CPVL: variants seen among roughly 807,000 people sequenced by gnomAD.
CPVL encodes probable serine carboxypeptidase CPVL.
CPVL carries 51 observed loss-of-function variants against 63.7 expected under a neutral mutation model. The observed-to-expected ratio is 0.80, with a 90% CI of 0.64 to 1.01. CPVL has a LOEUF of 1.01. CPVL is among the 50% of genes least tolerant of loss of function. The probability of loss-of-function intolerance (pLI) is 0.00; values close to 1 mark genes in which losing one functional copy is unlikely to be tolerated. For missense variants in CPVL, 530 were observed against 573.1 expected, an observed-to-expected ratio of 0.92 and a Z score of 0.77; for synonymous variants, 195 against 206.0, an observed-to-expected ratio of 0.95 and a Z score of 0.46.
intron 1 of CPVL, among the ~76,000 whole-genome samples, chr7:29,131,845 A>G (rs572572342): frequency 2.0e-5 from 3 of 152,322 alleles, no homozygotes; most frequent in African/African-American, 7.2e-5. Flanking sequence ...TTAGTGTAGC[A>G]CTTCAATAGA....
At chr7:29,086,359 T>G (rs1785202018) in intron 7 of CPVL, 125 bp downstream of exon 7, 3 of 575,620 alleles carry the variant, frequency 5.2e-6, no homozygotes, top group Admixed American at 6.3e-5. Context: ...AAAGGCTGAA[T>G]CAATATTGAT....
intron 1 of CPVL, among the ~76,000 whole-genome samples, chr7:29,135,624 G>A (rs944048385): frequency 1.4e-4 from 22 of 151,988 alleles, no homozygotes; most frequent in Admixed American, 2.0e-4. Context: ...AAGCCACCAC[G>A]CCCAGCCTAT....
chr7:29,078,516 C>T (rs1216624447), intron 7 of CPVL, among the ~76,000 whole-genome samples: 1 of 152,162 alleles, frequency 6.6e-6, no homozygotes, highest in Non-Finnish European at 1.5e-5. Context: ...CACACTGGGC[C>T]GCAGTCAACA....
chr7:29,092,747 T>C (rs1452163039), intron 5 of CPVL, 45 bp from the exon 6 acceptor site: 2 of 1,337,474 alleles, frequency 1.5e-6, no homozygotes, highest in Middle Eastern at 1.8e-4. Context: ...GAGAAACACA[T>C]GCCTTAGGGA....
At chr7:29,075,107 G>A (rs1365274353) in intron 7 of CPVL, among the ~76,000 whole-genome samples, 1 of 152,020 alleles carries the variant, frequency 6.6e-6, no homozygotes, top group East Asian at 1.9e-4. Flanking sequence ...ATAAGACCTG[G>A]TAATAAAACA....
chr7:29,114,301 C>T (rs1018662946), intron 2 of CPVL, among the ~76,000 whole-genome samples: 20 of 152,138 alleles, frequency 1.3e-4, no homozygotes, highest in Non-Finnish European at 2.8e-4. Context: ...CTCATTCCCA[C>T]TTTACAGATA....
At chr7:29,040,793 C>T (rs372318050) in intron 11 of CPVL, among the ~76,000 whole-genome samples, 1 of 151,940 alleles carries the variant, frequency 6.6e-6, no homozygotes, top group East Asian at 1.9e-4. Flanking sequence ...TGTCTTTTGG[C>T]CAAAAAAAAT....
chr7:29,132,154 C>T (rs1790765285), intron 1 of CPVL, among the ~76,000 whole-genome samples: 1 of 152,080 alleles, frequency 6.6e-6, no homozygotes, highest in Non-Finnish European at 1.5e-5. Context: ...CTGAGCAGAT[C>T]TGAGGGCATG....
At chr7:29,141,379 G>A (rs34582799) in intron 1 of CPVL, among the ~76,000 whole-genome samples, 18,150 of 151,718 alleles carry the variant, frequency 0.12, 1,139 homozygotes, top group Non-Finnish European at 0.14. Context: ...GTGAAACCCC[G>A]TCTCTACTAA....
chr7:29,163,491 CAT>C (rs1422588005), intron 5 of CPVL, among the ~76,000 whole-genome samples: 19 of 152,080 alleles, frequency 1.2e-4, no homozygotes, highest in Middle Eastern at 3.2e-3. Context: ...AAAATTGACA[CAT>C]ATGTTAATGG....
At chr7:29,142,644 G>A (rs922429608) in intron 1 of CPVL, among the ~76,000 whole-genome samples, 1 of 150,668 alleles carries the variant, frequency 6.6e-6, no homozygotes, top group South Asian at 2.1e-4. Flanking sequence ...TCCCGCCTCA[G>A]CCTCCTGAGT....
intron 5 of CPVL, among the ~76,000 whole-genome samples, chr7:29,157,251 A>G (rs1794504116): frequency 6.6e-6 from 1 of 151,498 alleles, no homozygotes; most frequent in South Asian, 2.1e-4. Flanking sequence ...ATGAGATGCG[A>G]CCCCTCCCCC....
At chr7:29,184,162 TAGATA>T (rs1390449094) in intron 4 of CPVL, among the ~76,000 whole-genome samples, 1 of 118,766 alleles carries the variant, frequency 8.4e-6, no homozygotes, top group Admixed American at 7.7e-5. Flanking sequence ...GATAGATAGA[TAGATA>T]GATAGATAGA....
At position 29,177,359 on chromosome 7, in the gene CPVL, T is replaced by G. The variant is rs1342836104; in HGVS notation, c.-11+3931A>C. ...ACCTCTGCCTCCCGGGTTCAAGCAA[T>G]TCTCCTGCCGCAATCTCCTGAGTAG... is the stretch of plus-strand genomic sequence containing the variant. On this transcript the variant is annotated intron_variant, in intron 5 of 16. Coordinates refer to the CPVL transcript ENST00000409850. 2.0e-5 allele frequency among the ~76,000 whole-genome samples: 3 copies of G among 152,162 alleles called. 1 individual carries two copies. The highest frequency in any genetic ancestry group is 7.2e-5 in the African/African-American group (3 of 41,440).
chr7:29,150,265 A>G (rs1156556455), upstream of CPVL, among the ~76,000 whole-genome samples: 1 of 152,232 alleles, frequency 6.6e-6, no homozygotes, highest in Non-Finnish European at 1.5e-5. Flanking sequence ...TCATCTGTAC[A>G]TGATAAAAAT....
At chr7:29,014,622 G>T (rs1325994701) in intron 12 of CPVL, among the ~76,000 whole-genome samples, 1 of 152,112 alleles carries the variant, frequency 6.6e-6, no homozygotes, top group South Asian at 2.1e-4. Context: ...GATTACAGTT[G>T]TGAGCCACCA....
At chr7:29,021,046 T>C (rs1459408443) in intron 12 of CPVL, among the ~76,000 whole-genome samples, 4 of 152,118 alleles carry the variant, frequency 2.6e-5, no homozygotes, top group Non-Finnish European at 5.9e-5. Context: ...GGTGTGGTGG[T>C]ACATGCCTGT....
chr7:29,065,831 C>G (rs912867961), intron 10 of CPVL, among the ~76,000 whole-genome samples, 192 bp downstream of exon 10: 4 of 152,060 alleles, frequency 2.6e-5, no homozygotes, highest in Non-Finnish European at 4.4e-5. Context: ...CACACATTCT[C>G]AGTGGTCAGA....
intron 11 of CPVL, among the ~76,000 whole-genome samples, chr7:29,033,013 A>G (rs317750): frequency 0.28 from 42,264 of 152,162 alleles, 7,499 homozygotes; most frequent in African/African-American, 0.51. Context: ...AAGAAACAGC[A>G]AAGAGCTGAA....
Sources: gnomAD v4.1 joint callset for allele counts (sites outside exome capture counted in the v4.1 genomes callset) on GRCh38, gnomAD v4.1.1 for gene constraint, MANE v1.5 for transcripts, NCBI Gene and HGNC (gene_info 2026-07-23, HGNC 2026-07-21) for gene names.